Variants in UGT1A10 observed in about 807,000 individuals in gnomAD.
UGT1A10 encodes the protein UDP-glucuronosyltransferase 1A10.
UGT1A10 carries 49 observed loss-of-function variants against 45.8 expected under a neutral mutation model. The observed-to-expected ratio is 1.07, with a 90% CI of 0.85 to 1.36. The LOEUF (loss-of-function observed/expected upper bound fraction) is 1.36. Among genes scored for constraint, UGT1A10 ranks in the 40% most tolerant of loss-of-function variants. The probability of loss-of-function intolerance (pLI) is 0.00; values close to 1 mark genes in which losing one functional copy is unlikely to be tolerated. For missense variants in UGT1A10, 745 were observed against 668.6 expected (o/e 1.11, Z -1.26); for synonymous variants, 284 against 249.7 (o/e 1.14, Z -1.29).
intron 1 of UGT1A10, among the ~76,000 whole-genome samples, chr2:233,764,915 C>A (rs892234743): frequency 6.6e-6 from 1 of 152,136 alleles, no homozygotes; most frequent in Non-Finnish European, 1.5e-5. Context: ...AGAGGACTCA[C>A]GAGGGCCTGG....
At chr2:233,738,068 C>G (rs1312345006) in intron 1 of UGT1A10, among the ~76,000 whole-genome samples, 1 of 152,082 alleles carries the variant, frequency 6.6e-6, no homozygotes, top group Non-Finnish European at 1.5e-5. Context: ...GGGAGGTCCC[C>G]ACCTCCTAAT....
In UGT1A10 at chr2:233,636,908, A is replaced by G. The variant is rs1241791271; in HGVS notation, c.386A>G (p.Asn129Ser). 1 of 1,614,112 alleles carries G rather than the reference A, an allele frequency of 6.2e-7. No individual in the cohort carries two copies. Among genetic ancestry groups the G allele is most frequent in the Non-Finnish European group, 8.5e-7 (1 of 1,180,022 alleles). Residue 129 changes from asparagine to serine, a missense_variant, in exon 1 of 5, where the codon AAT becomes AGT. Physicochemically the swap from Asn to Ser is conservative, Grantham distance 46 (BLOSUM62 1). Transcript: ENST00000344644. The part of the protein sequence containing the change: ...LFFSHCRSLF[N>S]DRKLVEYLKE... The stretch of plus-strand genomic sequence containing the variant: ...TTTTCGCATTGCAGGAGTTTGTTTA[A>G]TGACCGAAAATTAGTAGAATACTTA...
chr2:233,758,018 G>A (rs1394383071), intron 1 of UGT1A10, among the ~76,000 whole-genome samples: 1 of 152,092 alleles, frequency 6.6e-6, no homozygotes, highest in African/African-American at 2.4e-5. Context: ...GTTTGTCTCT[G>A]TCTACCTGAC....
intron 1 of UGT1A10, among the ~76,000 whole-genome samples, chr2:233,715,142 T>C (rs555034486): frequency 2.0e-5 from 3 of 152,334 alleles, no homozygotes; most frequent in Admixed American, 2.0e-4. Flanking sequence ...CACCTCAGCC[T>C]GCCAAAGTGC....
chr2:233,640,607 A>T (rs533786260), intron 1 of UGT1A10, among the ~76,000 whole-genome samples: 13 of 152,306 alleles, frequency 8.5e-5, no homozygotes, highest in Non-Finnish European at 1.9e-4. Flanking sequence ...AAATTTTATG[A>T]GGGTGTCAAG....
chr2:233,659,788 G>C (rs1024045219), intron 1 of UGT1A10, among the ~76,000 whole-genome samples: 1 of 152,188 alleles, frequency 6.6e-6, no homozygotes, highest in African/African-American at 2.4e-5. Flanking sequence ...CCATATCATA[G>C]AAGGGTACAA....
At chr2:233,670,722 G>C (rs2741044) in intron 1 of UGT1A10, among the ~76,000 whole-genome samples, 1 of 151,990 alleles carries the variant, frequency 6.6e-6, no homozygotes, top group African/African-American at 2.4e-5. Flanking sequence ...AATTAGAGAT[G>C]TTGGGTTTGC....
chr2:233,749,668 C>T (rs1454528355), intron 1 of UGT1A10, among the ~76,000 whole-genome samples: 2 of 151,734 alleles, frequency 1.3e-5, no homozygotes, highest in Non-Finnish European at 2.9e-5. Flanking sequence ...CCCCATAATC[C>T]CCACGTGTCA....
intron 1 of UGT1A10, among the ~76,000 whole-genome samples, chr2:233,654,450 A>G (rs1207650825): frequency 1.3e-5 from 2 of 152,248 alleles, no homozygotes; most frequent in Admixed American, 6.5e-5. Context: ...GTACTCCAGC[A>G]GAGCATCATA....
intron 1 of UGT1A10, among the ~76,000 whole-genome samples, chr2:233,703,634 G>A (rs943242001): frequency 1.3e-5 from 2 of 151,830 alleles, no homozygotes; most frequent in Admixed American, 1.3e-4. Context: ...TCTGATATTA[G>A]TATAACCAAT....
intron 1 of UGT1A10, among the ~76,000 whole-genome samples, chr2:233,700,668 A>G (rs1354442892): frequency 6.6e-6 from 1 of 152,146 alleles, no homozygotes; most frequent in East Asian, 1.9e-4. Context: ...ACTTTTCAGC[A>G]CAAATTCGTG....
chr2:233,719,298 G>A (rs1399021133), intron 1 of UGT1A10: 3 of 1,613,874 alleles, frequency 1.9e-6, no homozygotes, highest in Non-Finnish European at 2.5e-6. Flanking sequence ...CTGTGGGGCG[G>A]TGCTGGCTAA....
rs1429453691 is a variant in UGT1A10, at chr2:233,751,746, G to C, written c.856-15288G>C. ...AACTCTTCCTCTCTGTTTCTCTCTT[G>C]CTTGCTGCCATGTGAGACATGACTT... On this transcript the variant is annotated intron_variant, in intron 1 of 4. Transcript: ENST00000344644. Among the ~76,000 whole-genome samples, 3 of 152,060 alleles carry C rather than the reference G, an allele frequency of 2.0e-5. No homozygotes were observed. The East Asian group carries it at 5.8e-4, about 29-fold the overall frequency.
chr2:233,682,920 T>A, intron 1 of UGT1A10: 2 of 1,475,888 alleles, frequency 1.4e-6, no homozygotes, highest in South Asian at 2.8e-5. Context: ...AAGGAATTCT[T>A]TTGTACCAAT....
intron 1 of UGT1A10, chr2:233,760,907 T>A: frequency 6.2e-7 from 1 of 1,614,208 alleles, no homozygotes. Context: ...ATGACCTTCC[T>A]GCAGCGGGTG....
At chr2:233,746,807 G>C (rs1340541444) in intron 1 of UGT1A10, among the ~76,000 whole-genome samples, 4 of 151,778 alleles carry the variant, frequency 2.6e-5, no homozygotes, top group Admixed American at 2.0e-4. Flanking sequence ...CGTGAATGTG[G>C]ATTGCCTACT....
intron 1 of UGT1A10, among the ~76,000 whole-genome samples, chr2:233,762,360 A>G (rs1698052842): frequency 6.6e-6 from 1 of 152,238 alleles, no homozygotes; most frequent in Non-Finnish European, 1.5e-5. Context: ...TACTCCAGCT[A>G]TTACATACCA....
At chr2:233,662,610 T>C (rs940024472) in intron 1 of UGT1A10, among the ~76,000 whole-genome samples, 1 of 152,212 alleles carries the variant, frequency 6.6e-6, no homozygotes, top group Non-Finnish European at 1.5e-5. Context: ...CAGATCTGGA[T>C]ATTTTAAATT....
chr2:233,730,014 C>G (rs1187658663), intron 1 of UGT1A10: 2 of 1,613,720 alleles, frequency 1.2e-6, no homozygotes, highest in Non-Finnish European at 1.7e-6. Context: ...GTGCCTTCAT[C>G]CAATCAATGT....
Sources: allele counts gnomAD v4.1 joint callset (sites outside exome capture counted in the v4.1 genomes callset), GRCh38; gene constraint gnomAD v4.1.1; transcripts MANE v1.5; gene names NCBI Gene and HGNC (gene_info 2026-07-23, HGNC 2026-07-21).